Variants in CA10 observed in about 807,000 individuals in gnomAD.
The protein encoded by CA10 is carbonic anhydrase-related protein 10.
Under a neutral mutation model 44.2 loss-of-function variants are expected in CA10, and 14 were observed. The ratio of observed to expected loss-of-function variants is 0.32; its 90% confidence interval spans 0.21 to 0.50. The LOEUF is 0.50. Among genes scored for constraint, CA10 ranks in the 20% least tolerant of loss-of-function variants. The probability of loss-of-function intolerance (pLI) is 0.99; values close to 1 mark genes in which losing one functional copy is unlikely to be tolerated. For missense variants in CA10, 350 were observed against 409.7 expected, an observed-to-expected ratio of 0.85 and a Z score of 1.26; for synonymous variants, 159 against 141.6, an observed-to-expected ratio of 1.12 and a Z score of -0.87.
At chr17:51,723,283 G>T (rs191061287) in intron 4 of CA10, among the ~76,000 whole-genome samples, 1 of 152,174 alleles carries the variant, frequency 6.6e-6, no homozygotes, top group Non-Finnish European at 1.5e-5. Context: ...GAGGATCAAG[G>T]TTACAGCTAA....
chr17:51,852,612 T>G (rs898457494), intron 3 of CA10, among the ~76,000 whole-genome samples: 4 of 152,216 alleles, frequency 2.6e-5, no homozygotes, highest in African/African-American at 9.6e-5. Flanking sequence ...TGTCCTATGC[T>G]GAGTTAAACA....
At chr17:51,679,497 G>A (rs187201935) in intron 4 of CA10, among the ~76,000 whole-genome samples, 16 of 151,472 alleles carry the variant, frequency 1.1e-4, no homozygotes, top group South Asian at 4.2e-4. Context: ...TCCTGACCTC[G>A]TGATCTGCCC....
intron 3 of CA10, among the ~76,000 whole-genome samples, chr17:51,883,247 T>C (rs140070341): frequency 0.015 from 2,221 of 152,286 alleles, 23 homozygotes; most frequent in Non-Finnish European, 0.022. Context: ...TAAATTTTCT[T>C]TCTCTCTTCT....
At chr17:51,717,832 TA>T (rs1916206956) in intron 4 of CA10, among the ~76,000 whole-genome samples, 4 of 48,082 alleles carry the variant, frequency 8.3e-5, no homozygotes, top group African/African-American at 2.9e-4. Flanking sequence ...TGTGTGTGTA[TA>T]TATATATATA....
At chr17:51,960,640 A>G (rs940354154) in intron 2 of CA10, among the ~76,000 whole-genome samples, 1 of 152,196 alleles carries the variant, frequency 6.6e-6, no homozygotes, top group Admixed American at 6.5e-5. Context: ...TTCTATATTA[A>G]CCAAAAACAT....
intron 4 of CA10, among the ~76,000 whole-genome samples, chr17:51,685,841 C>T (rs1444640389): frequency 1.3e-5 from 2 of 152,146 alleles, no homozygotes; most frequent in East Asian, 3.9e-4. Context: ...TAATTCCTGC[C>T]TCACAGGCAC....
chr17:51,710,856 G>T (rs1414084595), intron 4 of CA10, among the ~76,000 whole-genome samples: 4 of 146,964 alleles, frequency 2.7e-5, no homozygotes, highest in African/African-American at 1.0e-4. Context: ...GCCTCCTGAA[G>T]TTCATGCAAT....
chr17:51,636,565 T>A (rs911229615), intron 6 of CA10, among the ~76,000 whole-genome samples: 2 of 152,194 alleles, frequency 1.3e-5, no homozygotes, highest in African/African-American at 4.8e-5. Flanking sequence ...AGGGATTGTT[T>A]GAGGAGTCCT....
chr17:51,705,942 T>C (rs928571896), intron 4 of CA10, among the ~76,000 whole-genome samples: 5 of 152,100 alleles, frequency 3.3e-5, no homozygotes, highest in Non-Finnish European at 7.4e-5. Context: ...GAAAAAGCCC[T>C]AGAGGAAAAA....
At chr17:51,812,350 T>C (rs149377094) in intron 3 of CA10, among the ~76,000 whole-genome samples, 25 of 152,350 alleles carry the variant, frequency 1.6e-4, no homozygotes, top group African/African-American at 6.0e-4. Flanking sequence ...ATGGTAGAGA[T>C]AGCATAAAAT....
rs1259252576 is a variant in CA10 at position 51,630,640 on chromosome 17, A to AACTC, written c.*940_*943dup. ...AGCAAATGCATTCCTGATTGCCACA[A>AACTC]ACTCAGTAAAAACTGGCTGCAAATG... is the stretch of plus-strand genomic sequence containing the variant. On this transcript the variant is annotated 3_prime_UTR_variant, in exon 9 of 9. Transcript: ENST00000451037. 6.6e-6 allele frequency: 1 copy of AACTC among 152,518 alleles called. No individual in the cohort carries two copies. Among genetic ancestry groups the AACTC allele is most frequent in the African/African-American group, 2.4e-5 (1 of 41,336 alleles). 9.4% of individuals were successfully genotyped at this position (152,518 alleles called of 1,614,324 possible).
At chr17:51,805,924 G>A (rs934741649) in intron 3 of CA10, among the ~76,000 whole-genome samples, 1 of 152,230 alleles carries the variant, frequency 6.6e-6, no homozygotes, top group Non-Finnish European at 1.5e-5. Flanking sequence ...TCTGAAGGAT[G>A]AGAACAAACC....
intron 2 of CA10, among the ~76,000 whole-genome samples, chr17:51,965,724 C>G (rs571706350): frequency 4.6e-5 from 7 of 151,788 alleles, no homozygotes; most frequent in African/African-American, 1.7e-4. Context: ...TAATTAGAGC[C>G]ATCTATCACA....
intron 4 of CA10, among the ~76,000 whole-genome samples, chr17:51,712,068 G>A (rs1010026048): frequency 9.2e-5 from 14 of 152,152 alleles, no homozygotes; most frequent in Admixed American, 9.2e-4. Context: ...TGATAAACAA[G>A]CCTATTCTAA....
intron 4 of CA10, among the ~76,000 whole-genome samples, chr17:51,675,839 C>T (rs1914611150): frequency 6.6e-6 from 1 of 152,172 alleles, no homozygotes; most frequent in Non-Finnish European, 1.5e-5. Context: ...AGAACAAGGA[C>T]CGCAATTACT....
intron 2 of CA10, among the ~76,000 whole-genome samples, chr17:52,026,120 A>C (rs889450402): frequency 6.6e-6 from 1 of 152,120 alleles, no homozygotes; most frequent in African/African-American, 2.4e-5. Context: ...ATGGGCTCCC[A>C]TTCATAAGTA....
intron 3 of CA10, among the ~76,000 whole-genome samples, chr17:51,821,109 CT>C (rs1257661891): frequency 3.2e-5 from 4 of 124,980 alleles, no homozygotes; most frequent in African/African-American, 1.2e-4. Flanking sequence ...TCCTTCCTTC[CT>C]TTCCTTCCTC....
rs1469542380 is a variant in CA10, at chr17:52,158,041, T to A, written c.-255A>T. The A allele has an allele frequency of 2.9e-5, 16 of 556,104 alleles. No homozygotes were observed. The highest frequency in any genetic ancestry group is 4.7e-4 in the Middle Eastern group (1 of 2,106). 34.4% of individuals were successfully genotyped at this position (556,104 alleles called of 1,614,324 possible). A position where few individuals can be genotyped will look rare whatever the true frequency, so the allele number is the denominator to read the frequency against. On this transcript the variant is annotated 5_prime_UTR_variant, in exon 1 of 9. Transcript: ENST00000451037. ...ACACATGTCCGATGCCTCGCTGCCT[T>A]GGAGGTCTCCCCGCTCGCGTGTCTC...
At chr17:51,970,838 C>T (rs1021572797) in intron 2 of CA10, among the ~76,000 whole-genome samples, 1 of 151,850 alleles carries the variant, frequency 6.6e-6, no homozygotes, top group African/African-American at 2.4e-5. Context: ...GGTAAAATAC[C>T]TACACAGAGG....
Sources: allele counts gnomAD v4.1 joint callset (sites outside exome capture counted in the v4.1 genomes callset), GRCh38; gene constraint gnomAD v4.1.1; transcripts MANE v1.5; gene names NCBI Gene and HGNC (gene_info 2026-07-23, HGNC 2026-07-21).